SHROOM2: variants seen among roughly 807,000 people sequenced by gnomAD.
SHROOM2 encodes the protein shroom family member 2.
Under a neutral mutation model 75.9 loss-of-function variants are expected in SHROOM2, and 33 were observed. The ratio of observed to expected loss-of-function variants is 0.43; its 90% CI spans 0.33 to 0.58. The LOEUF (loss-of-function observed/expected upper bound fraction) is 0.58. Ranked by LOEUF, SHROOM2 falls within the 20% of genes least tolerant of loss-of-function variation. The pLI is 0.04. For missense variants in SHROOM2, 1,434 were observed against 1,461.2 expected, an observed-to-expected ratio of 0.98 and a Z score of 0.30; for synonymous variants, 655 against 663.6, an observed-to-expected ratio of 0.99 and a Z score of 0.20.
rs2084288883 is a variant in SHROOM2, at chrX:9,891,063, C to G, written c.404C>G (p.Thr135Ser). The change falls in exon 3 of 10, where the codon ACC becomes AGC. Residue 135 changes from threonine (T) to serine (S), a missense_variant. By Grantham distance (58) the Thr-to-Ser change is moderately conservative (BLOSUM62 1). Transcript: ENST00000380913. The part of the protein sequence containing the change: ...SHPELAASPF[T>S]STSGCPSWSG... ...CCCGAGCTAGCGGCCTCCCCATTCA[C>G]CTCCACCAGCGGCTGTCCTTCCTGG... 30 of 1,203,402 alleles carry G rather than the reference C, an allele frequency of 2.5e-5. No homozygotes were observed. The highest frequency in any genetic ancestry group is 3.0e-5 in the Non-Finnish European group (27 of 891,922).
intron 1 of SHROOM2, among the ~76,000 whole-genome samples, chrX:9,861,052 G>A (rs1002623445): frequency 8.9e-6 from 1 of 112,372 alleles, no homozygotes; most frequent in African/African-American, 3.2e-5. Flanking sequence ...ATTGGGTACT[G>A]TTGTGGTTTT....
Position 9,937,283 on chromosome X carries a change from A to G in SHROOM2, c.3737A>G (p.Gln1246Arg). The change falls in exon 7 of 10, where the codon CAG becomes CGG. Residue 1246 changes from glutamine to arginine, a missense_variant. This residue lies in a region of SHROOM2 where 1,340 missense variants were observed against 1,338.3 expected (regional missense o/e 1.00). Coordinates refer to ENST00000380913, the MANE Select transcript of SHROOM2 (RefSeq NM_001649.4). ...CTGCCCCACGGGCTGGAGAAAGACC[A>G]GATCAAGACGCTGAGCACATCTGAG... ...PALPHGLEKD[Q>R]IKTLSTSEQF... The G allele has an allele frequency of 8.3e-7, 1 of 1,210,706 alleles. No individual in the cohort carries two copies. Among genetic ancestry groups the G allele is most frequent in the Non-Finnish European group, 1.1e-6 (1 of 894,965 alleles).
intron 1 of SHROOM2, among the ~76,000 whole-genome samples, chrX:9,856,643 G>A (rs1465169806): frequency 1.8e-5 from 2 of 111,564 alleles, no homozygotes; most frequent in African/African-American, 3.3e-5. Flanking sequence ...GGACTGGAGC[G>A]TTTGCCCCTG....
rs1473392740 is a variant in SHROOM2 at position 9,930,473 on chromosome X, C to A, written c.2892-1702C>A. The stretch of plus-strand genomic sequence containing the variant: ...GGCTGCAGTGAGCCCAGATTGTGCA[C>A]TCCAGCCTGGACAACAGAGTAAGAC... On this transcript the variant is annotated intron_variant, in intron 5 of 9. Transcript: ENST00000380913. Among the ~76,000 whole-genome samples the A allele has an allele frequency of 3.8e-5, 4 of 104,492 alleles. No homozygotes were observed. In the Admixed American group the frequency reaches 4.2e-4, roughly 11 times the overall value. The allele number at this position is 104,492 out of a possible 115,157, so 90.7% of individuals were successfully genotyped here. A position where few individuals can be genotyped will look rare whatever the true frequency, so the allele number is the denominator to read the frequency against.
chrX:9,945,158 AG>A (rs2084807769), intron 9 of SHROOM2, among the ~76,000 whole-genome samples: 4 of 110,856 alleles, frequency 3.6e-5, no homozygotes, highest in African/African-American at 1.3e-4. Context: ...CCCAGGCTGG[AG>A]TGCAGTGGTG....
intron 1 of SHROOM2, among the ~76,000 whole-genome samples, chrX:9,815,434 A>ATATGTG (rs762949348): frequency 1.1e-5 from 1 of 88,721 alleles, no homozygotes; most frequent in African/African-American, 4.2e-5. Flanking sequence ...TATACATATT[A>ATATGTG]TGTGTGTGTG....
chrX:9,803,106 GTTT>G (rs1183960163), intron 1 of SHROOM2, among the ~76,000 whole-genome samples: 1 of 93,008 alleles, frequency 1.1e-5, no homozygotes, highest in African/African-American at 4.1e-5. Context: ...TTGGTTTTTT[GTTT>G]TTTTTTTTTT....
chrX:9,945,740 G>A (rs1465322838), intron 9 of SHROOM2, among the ~76,000 whole-genome samples: 1 of 111,788 alleles, frequency 8.9e-6, no homozygotes, highest in Non-Finnish European at 1.9e-5. Context: ...AGCAGACAGT[G>A]CATCTAACTT....
intron 1 of SHROOM2, among the ~76,000 whole-genome samples, chrX:9,834,577 G>GCTCAT (rs1388606602): frequency 1.8e-4 from 20 of 110,748 alleles, no homozygotes; most frequent in African/African-American, 6.2e-4. Flanking sequence ...AATTGGTGTT[G>GCTCAT]CTCATCAGTG....
At chrX:9,807,136 G>A (rs780464402) in intron 1 of SHROOM2, among the ~76,000 whole-genome samples, 1 of 111,997 alleles carries the variant, frequency 8.9e-6, no homozygotes, top group Non-Finnish European at 1.9e-5. Flanking sequence ...GGATTCAGGA[G>A]CCTCATGAAG....
At position 9,909,192 on chromosome X, in the gene SHROOM2, T is replaced by C. The variant is rs185932039; in HGVS notation, c.2891+10902T>C. ...TGTAAACCCAGCGGTGACAACAGTG[T>C]GGGTATGTCATAGGGACACAGGAAC... On this transcript the variant is annotated intron_variant, in intron 5 of 9. Coordinates refer to ENST00000380913, the MANE Select transcript of SHROOM2 (RefSeq NM_001649.4). Among the ~76,000 whole-genome samples the C allele has an allele frequency of 2.8e-3, 306 of 110,777 alleles. 1 individual carries two copies. The highest frequency in any genetic ancestry group is 5.2e-3 in the Non-Finnish European group (276 of 52,937).
intron 1 of SHROOM2, among the ~76,000 whole-genome samples, chrX:9,792,298 G>C (rs1362126742): frequency 9.1e-6 from 1 of 110,474 alleles, no homozygotes; most frequent in East Asian, 2.8e-4. Context: ...GCTTCTCTTT[G>C]GGGGAACATG....
chrX:9,870,350 T>A (rs1234229036), intron 1 of SHROOM2, among the ~76,000 whole-genome samples: 2 of 112,424 alleles, frequency 1.8e-5, no homozygotes, highest in Non-Finnish European at 3.7e-5. Flanking sequence ...TCAATATTTT[T>A]ATGCTTTGCT....
chrX:9,788,702 T>C (rs1172371608), intron 1 of SHROOM2, among the ~76,000 whole-genome samples: 2 of 110,943 alleles, frequency 1.8e-5, no homozygotes, highest in Non-Finnish European at 3.8e-5. Context: ...CAATGCCATA[T>C]TGAATACCTT....
At chrX:9,807,238 G>A (rs774137287) in intron 1 of SHROOM2, among the ~76,000 whole-genome samples, 22 of 112,287 alleles carry the variant, frequency 2.0e-4, no homozygotes, top group Non-Finnish European at 3.4e-4. Context: ...CAGATGCTCA[G>A]TAGATGTTTG....
intron 1 of SHROOM2, among the ~76,000 whole-genome samples, chrX:9,851,452 TTTTTTTC>T (rs1188700600): frequency 6.7e-5 from 5 of 74,366 alleles, no homozygotes; most frequent in Admixed American, 3.1e-4. Context: ...ATTGCTTTTT[TTTTTTTC>T]TTTTTTTTTT....
chrX:9,901,374 T>C (rs1360064099), intron 5 of SHROOM2, among the ~76,000 whole-genome samples: 1 of 112,225 alleles, frequency 8.9e-6, no homozygotes, highest in Non-Finnish European at 1.9e-5. Context: ...GAAATGTCCC[T>C]GCTTCTCCAT....
chrX:9,819,274 C>T, intron 1 of SHROOM2: 1 of 679,482 alleles, frequency 1.5e-6, no homozygotes, highest in Non-Finnish European at 2.3e-6. Context: ...TCCTGAGATC[C>T]ATTCACAATG....
rs1032393931 is a variant in SHROOM2, at chrX:9,865,807, A to G, written c.166-7845A>G. On this transcript the variant is annotated intron_variant, in intron 1 of 9. Transcript: ENST00000380913. ...GATCTCCTGACCTCATGATTCGCCC[A>G]CCTCACCCTCCCAAAGTGCTGAGAT... Among the ~76,000 whole-genome samples the G allele has an allele frequency of 2.4e-3, 263 of 108,538 alleles. 1 individual carries two copies. Among genetic ancestry groups the G allele is most frequent in the Non-Finnish European group, 4.0e-3 (212 of 52,410 alleles). The allele number at this position is 108,538 out of a possible 115,157, so 94.3% of individuals were successfully genotyped here. A position where few individuals can be genotyped will look rare whatever the true frequency, so the allele number is the denominator to read the frequency against.
Sources: allele counts gnomAD v4.1 joint callset (sites outside exome capture counted in the v4.1 genomes callset), GRCh38; gene constraint gnomAD v4.1.1; regional missense constraint gnomAD v4.1.1; transcripts MANE v1.5; gene names NCBI Gene and HGNC (gene_info 2026-07-23, HGNC 2026-07-21).